The following CAB39L variants were observed in gnomAD, a reference collection of about 807,000 sequenced individuals.
CAB39L encodes calcium binding protein 39 like.
A neutral mutation model predicts 39.1 loss-of-function variants in CAB39L; 23 were observed. The observed-to-expected ratio is 0.59, with a 90% CI of 0.42 to 0.83. CAB39L has a LOEUF of 0.83. CAB39L is among the 40% of genes least tolerant of loss of function. CAB39L has a pLI of 0.00. For synonymous variants in CAB39L, 126 were observed against 137.2 expected (o/e 0.92, Z 0.57); for missense variants, 366 against 391.9 (o/e 0.93, Z 0.56).
chr13:49,336,763 G>C (rs1291009874), intron 9 of CAB39L, among the ~76,000 whole-genome samples: 1 of 152,158 alleles, frequency 6.6e-6, no homozygotes, highest in African/African-American at 2.4e-5. Flanking sequence ...TACCTCATTT[G>C]GCTATCCTTG....
intron 9 of CAB39L, among the ~76,000 whole-genome samples, chr13:49,336,087 C>T (rs980871347): frequency 6.7e-6 from 1 of 149,916 alleles, no homozygotes; most frequent in African/African-American, 2.5e-5. Flanking sequence ...AAAGGAAAAA[C>T]CAAAATTGCA....
At position 49,382,061 on chromosome 13, in the gene CAB39L, A is replaced by G. The variant is rs140923789; in HGVS notation, c.111+739T>C. On this transcript the variant is annotated intron_variant, in intron 4 of 10. Transcript: ENST00000409308. ...ATTTTTGCCAAGACAGTAGTTGTGTAATCTGAATTTATTGTGGTTTTAGTT... is the reference window on the plus strand; with the variant it reads ...ATTTTTGCCAAGACAGTAGTTGTGTGATCTGAATTTATTGTGGTTTTAGTT... Among the ~76,000 whole-genome samples, 972 of 152,312 alleles carry G rather than the reference A, an allele frequency of 6.4e-3. 15 individuals are homozygous for G. The highest frequency in any genetic ancestry group is 0.017 in the Middle Eastern group (5 of 292).
chr13:49,334,907 T>C (rs1041308955), intron 9 of CAB39L, among the ~76,000 whole-genome samples: 2 of 152,154 alleles, frequency 1.3e-5, no homozygotes, highest in Non-Finnish European at 2.9e-5. Flanking sequence ...TTCCCCCTAA[T>C]GCACCTAGCA....
chr13:49,351,001 A>C (rs1351157112), intron 6 of CAB39L, 89 bp from the exon 7 acceptor site: 9 of 926,646 alleles, frequency 9.7e-6, no homozygotes, highest in Non-Finnish European at 1.4e-5. Flanking sequence ...CAATACTGCT[A>C]TTAATGGAAG....
intron 5 of CAB39L, among the ~76,000 whole-genome samples, chr13:49,367,060 C>A (rs1413619159): frequency 6.6e-6 from 1 of 152,022 alleles, no homozygotes; most frequent in African/African-American, 2.4e-5. Context: ...GTGGCTCATG[C>A]CTATAATCCC....
In CAB39L at chr13:49,350,729, GAA is replaced by G; in HGVS notation, c.564+13_564+14del. ...ACTATAAATTGACCTAGCTGAGTTG[GAA>G]AAAAAAAATTACCTTGAAAGTAGCA... On this transcript the variant is annotated intron_variant, in intron 7 of 10. Coordinates refer to ENST00000409308, the MANE Select transcript of CAB39L (RefSeq NM_001079670.3). 3.5e-6 allele frequency: 5 copies of G among 1,431,532 alleles called. No individual in the cohort carries two copies. The highest frequency in any genetic ancestry group is 2.2e-5 in the Admixed American group (1 of 44,700). The allele number at this position is 1,431,532 out of a possible 1,614,324, so 88.7% of individuals were successfully genotyped here.
At chr13:49,333,125 C>T (rs1954756978) in intron 9 of CAB39L, among the ~76,000 whole-genome samples, 1 of 152,092 alleles carries the variant, frequency 6.6e-6, no homozygotes, top group Non-Finnish European at 1.5e-5. Flanking sequence ...AAGAAGTATA[C>T]AACCTGAGGT....
chr13:49,348,753 T>C (rs1405714299), intron 7 of CAB39L, among the ~76,000 whole-genome samples: 1 of 152,210 alleles, frequency 6.6e-6, no homozygotes, highest in East Asian at 1.9e-4. Context: ...CTTTGCATCC[T>C]GTATTTCCAG....
At chr13:49,377,583 G>A (rs1340188743) in intron 4 of CAB39L, among the ~76,000 whole-genome samples, 1 of 88,424 alleles carries the variant, frequency 1.1e-5, no homozygotes, top group Non-Finnish European at 2.3e-5. Context: ...GGTGGAGACG[G>A]GGTTTCGCTG....
intron 6 of CAB39L, among the ~76,000 whole-genome samples, chr13:49,358,757 G>A (rs933043630): frequency 5.3e-5 from 8 of 152,124 alleles, no homozygotes; most frequent in Admixed American, 5.2e-4. Context: ...CTACCCGGGA[G>A]GCTGAGGCAG....
intron 10 of CAB39L, among the ~76,000 whole-genome samples, chr13:49,323,960 A>G (rs1455454265): frequency 2.0e-5 from 3 of 152,150 alleles, no homozygotes; most frequent in African/African-American, 7.2e-5. Flanking sequence ...CTTGTATTTT[A>G]TCTGGCAATC....
intron 6 of CAB39L, among the ~76,000 whole-genome samples, chr13:49,355,936 G>A (rs1020344629): frequency 6.6e-6 from 1 of 152,104 alleles, no homozygotes; most frequent in Non-Finnish European, 1.5e-5. Flanking sequence ...TTATACTTCA[G>A]AGTATTCTAA....
chr13:49,404,515 T>A (rs984019754), intron 3 of CAB39L, among the ~76,000 whole-genome samples: 2 of 149,980 alleles, frequency 1.3e-5, no homozygotes, highest in African/African-American at 4.9e-5. Flanking sequence ...AACTCTTCAA[T>A]GCCCAGACAA....
At position 49,379,659 on chromosome 13, in the gene CAB39L, C is replaced by A. The variant is rs1490216823; in HGVS notation, c.112-2528G>T. 3.3e-4 allele frequency among the ~76,000 whole-genome samples: 10 copies of A among 30,592 alleles called. 3 individuals are homozygous for A. The African/African-American group carries it at 3.5e-3, about 11-fold the overall frequency. The allele number at this position is 30,592 out of a possible 152,430, so 20.1% of individuals were successfully genotyped here. On this transcript the variant is annotated intron_variant, in intron 4 of 10. Transcript: ENST00000409308. ...CTATTGTCCCATGACCCTGCCAAAT[C>A]CCCCTCTGTGAGAAACACCCAAGAA...
At chr13:49,374,723 C>T (rs1036191485) in intron 5 of CAB39L, among the ~76,000 whole-genome samples, 5 of 152,150 alleles carry the variant, frequency 3.3e-5, no homozygotes, top group Non-Finnish European at 7.3e-5. Context: ...CACTTTGAAC[C>T]TATGAGGTTC....
At chr13:49,411,728 G>A (rs1956994216) in intron 3 of CAB39L, among the ~76,000 whole-genome samples, 1 of 152,016 alleles carries the variant, frequency 6.6e-6, no homozygotes, top group Admixed American at 6.6e-5. Flanking sequence ...AGTATATCCC[G>A]AGGATGACCC....
At position 49,394,828 on chromosome 13, in the gene CAB39L, G is replaced by T. The variant is rs73487478; in HGVS notation, c.-31-11887C>A. ...TCGGTTGTACATAAAGTAACCATAT[G>T]TCTTAAAACCAGCGACTTATTAAAT... On this transcript the variant is annotated intron_variant, in intron 3 of 10. Transcript: ENST00000409308. Among the ~76,000 whole-genome samples the T allele has an allele frequency of 4.1e-3, 625 of 152,202 alleles. 4 individuals carry two copies. Among genetic ancestry groups the T allele is most frequent in the African/African-American group, 0.014 (573 of 41,534 alleles).
Position 49,443,977 on chromosome 13 carries a change from C to G in CAB39L, c.-246+9G>C, listed in dbSNP as rs907537670. Reference sequence around the variant, plus strand: ...CCAGCCACACACAAGATGGCAGCCTCACACCTACCGGAGGAAACAGCTGCG... The same window carrying G: ...CCAGCCACACACAAGATGGCAGCCTGACACCTACCGGAGGAAACAGCTGCG... On this transcript the variant is annotated intron_variant, in intron 1 of 10. Transcript: ENST00000409308. 8.8e-6 allele frequency: 4 copies of G among 456,826 alleles called. No individual in the cohort carries two copies. The Admixed American group carries it at 9.4e-5, about 11-fold the overall frequency. The allele number at this position is 456,826 out of a possible 1,614,324, so 28.3% of individuals were successfully genotyped here.
chr13:49,408,076 G>C (rs1700992915), intron 3 of CAB39L, among the ~76,000 whole-genome samples: 1 of 152,092 alleles, frequency 6.6e-6, no homozygotes, highest in Non-Finnish European at 1.5e-5. Flanking sequence ...GAATCAAAGG[G>C]CAAAGAAACA....
Sources: gnomAD v4.1 joint callset for allele counts (sites outside exome capture counted in the v4.1 genomes callset) on GRCh38, gnomAD v4.1.1 for gene constraint, MANE v1.5 for transcripts, NCBI Gene and HGNC (gene_info 2026-07-23, HGNC 2026-07-21) for gene names.